Variants in SAMD12 observed in about 807,000 individuals in gnomAD.
SAMD12 encodes the protein sterile alpha motif domain-containing protein 12.
In SAMD12, 9 loss-of-function variants were observed where a neutral mutation model predicts 15.0. The observed-to-expected ratio is 0.60, with a 90% CI of 0.36 to 1.05. SAMD12 has a LOEUF of 1.05. Ranked by LOEUF, SAMD12 falls within the 50% of genes least tolerant of loss-of-function variation. The pLI is 0.01. For synonymous variants in SAMD12, 86 were observed against 90.1 expected (o/e 0.96, Z 0.25); for missense variants, 230 against 234.2 (o/e 0.98, Z 0.12).
At chr8:118,602,521 C>G (rs963530743) in intron 1 of SAMD12, among the ~76,000 whole-genome samples, 1 of 152,126 alleles carries the variant, frequency 6.6e-6, no homozygotes, top group Non-Finnish European at 1.5e-5. Context: ...TTAGAGACAA[C>G]ACAATAAAAT....
chr8:118,324,155 T>A (rs1313399717), intron 4 of SAMD12, among the ~76,000 whole-genome samples: 1 of 152,192 alleles, frequency 6.6e-6, no homozygotes, highest in Non-Finnish European at 1.5e-5. Flanking sequence ...AAAATAAATT[T>A]TAATCTGTAT....
At chr8:118,176,094 G>T in the SAMD12 span, among the ~76,000 whole-genome samples, 8 of 152,186 alleles carry the variant, frequency 5.3e-5, no homozygotes, top group African/African-American at 1.9e-4. Flanking sequence ...AAGGTCAGGA[G>T]ATCGAGACCA....
chr8:118,226,814 C>A (rs922169818), intron 4 of SAMD12, among the ~76,000 whole-genome samples: 7 of 152,230 alleles, frequency 4.6e-5, no homozygotes, highest in East Asian at 3.9e-4. Context: ...TCCAGAGGGG[C>A]CATCTGGCTA....
chr8:118,229,866 T>C (rs1310811376), intron 4 of SAMD12, among the ~76,000 whole-genome samples: 4 of 152,228 alleles, frequency 2.6e-5, no homozygotes, highest in African/African-American at 9.6e-5. Context: ...AGTTCAGAGC[T>C]GGAGCCCAAT....
chr8:118,469,800 T>C (rs1447379850), intron 2 of SAMD12, among the ~76,000 whole-genome samples: 1 of 150,874 alleles, frequency 6.6e-6, no homozygotes, highest in Non-Finnish European at 1.5e-5. Context: ...TGAACTCAGG[T>C]GATCCATCTG....
chr8:118,318,321 T>TAC (rs1816033457), intron 4 of SAMD12, among the ~76,000 whole-genome samples: 1 of 10,578 alleles, frequency 9.5e-5, no homozygotes, highest in Non-Finnish European at 2.9e-4. Context: ...TATATATATA[T>TAC]ATATATATAT....
the SAMD12 span, among the ~76,000 whole-genome samples, chr8:118,183,539 AGT>A: frequency 1.0e-2 from 1,522 of 152,250 alleles, 25 homozygotes; most frequent in African/African-American, 0.035. Context: ...ATGGATATAC[AGT>A]TTAATGGTTG....
At chr8:118,463,197 A>G (rs377281135) in intron 2 of SAMD12, among the ~76,000 whole-genome samples, 1 of 151,902 alleles carries the variant, frequency 6.6e-6, no homozygotes, top group African/African-American at 2.4e-5. Flanking sequence ...TTTCCAGACC[A>G]AGAAACTAGA....
intron 3 of SAMD12, among the ~76,000 whole-genome samples, chr8:118,388,971 C>T (rs1007340323): frequency 5.3e-5 from 8 of 152,182 alleles, no homozygotes; most frequent in African/African-American, 1.7e-4. Flanking sequence ...TACCCCTGCA[C>T]TCTTGGTTAT....
intron 1 of SAMD12, among the ~76,000 whole-genome samples, chr8:118,599,746 A>C (rs1827813423): frequency 6.6e-6 from 1 of 152,164 alleles, no homozygotes; most frequent in Admixed American, 6.5e-5. Context: ...AATCAGAGAG[A>C]CCTTACTACT....
chr8:118,488,608 T>C (rs1248621320), intron 2 of SAMD12, among the ~76,000 whole-genome samples: 1 of 152,214 alleles, frequency 6.6e-6, no homozygotes, highest in African/African-American at 2.4e-5. Context: ...TGTTGAATCT[T>C]ACAAAAATGG....
At chr8:118,425,833 G>C (rs1822216026) in intron 3 of SAMD12, among the ~76,000 whole-genome samples, 2 of 152,178 alleles carry the variant, frequency 1.3e-5, no homozygotes, top group African/African-American at 4.8e-5. Flanking sequence ...CTCATGAAAA[G>C]AGTGTCTTGT....
chr8:118,621,453 T>A (rs1391065701), intron 1 of SAMD12: 1 of 343,320 alleles, frequency 2.9e-6, no homozygotes, highest in Non-Finnish European at 5.4e-6. Flanking sequence ...CCCAGCCTGC[T>A]CCGGAGGGAG....
At chr8:118,456,783 T>TC (rs1823266458) in intron 2 of SAMD12, among the ~76,000 whole-genome samples, 1 of 152,258 alleles carries the variant, frequency 6.6e-6, no homozygotes, top group African/African-American at 2.4e-5. Flanking sequence ...TGGAGTTTAG[T>TC]GTGAATAACA....
intron 3 of SAMD12, among the ~76,000 whole-genome samples, chr8:118,424,056 T>C (rs1483629759): frequency 6.6e-6 from 1 of 152,148 alleles, no homozygotes; most frequent in African/African-American, 2.4e-5. Context: ...ATATTTAAAA[T>C]AATCATTATT....
intron 4 of SAMD12, among the ~76,000 whole-genome samples, chr8:118,352,554 T>C (rs1818006870): frequency 1.3e-5 from 2 of 152,178 alleles, no homozygotes; most frequent in African/African-American, 2.4e-5. Flanking sequence ...GTCAGTTTAG[T>C]AATGGAAGTG....
intron 1 of SAMD12, among the ~76,000 whole-genome samples, chr8:118,599,182 T>C (rs1827794737): frequency 6.6e-6 from 1 of 152,192 alleles, no homozygotes; most frequent in African/African-American, 2.4e-5. Context: ...TCAAAATGGA[T>C]GGCGTGTACT....
intron 4 of SAMD12, among the ~76,000 whole-genome samples, chr8:118,279,201 C>T (rs945993658): frequency 2.6e-5 from 4 of 152,192 alleles, no homozygotes; most frequent in African/African-American, 9.7e-5. Flanking sequence ...CTCAATTGCT[C>T]ACCCCTGACA....
chr8:118,546,319 G>A (rs779840163), intron 2 of SAMD12, among the ~76,000 whole-genome samples: 9 of 152,126 alleles, frequency 5.9e-5, no homozygotes, highest in Non-Finnish European at 1.0e-4. Context: ...TCCCAGCCCT[G>A]ATGTGAAAAG....
Sources: gnomAD v4.1 joint callset for allele counts (sites outside exome capture counted in the v4.1 genomes callset) on GRCh38, gnomAD v4.1.1 for gene constraint, MANE v1.5 for transcripts, NCBI Gene and HGNC (gene_info 2026-07-23, HGNC 2026-07-21) for gene names.